Variants in COP1 observed in about 807,000 individuals in gnomAD.
The protein encoded by COP1 is COP1 E3 ubiquitin ligase.
In COP1, 24 loss-of-function variants were observed where a neutral mutation model predicts 101.3. The observed-to-expected ratio is 0.24, with a 90% confidence interval of 0.17 to 0.33. COP1 has a LOEUF of 0.33. Among genes scored for constraint, COP1 ranks in the 10% least tolerant of loss-of-function variants. COP1 has a pLI of 1.00. For synonymous variants in COP1, 347 were observed against 341.9 expected (o/e 1.01, Z -0.17); for missense variants, 663 against 906.2 (o/e 0.73, Z 3.45).
Position 176,135,045 on chromosome 1 carries a change from T to A in COP1, c.933A>T (p.Thr311=). 1 of 1,611,216 alleles carries A rather than the reference T, an allele frequency of 6.2e-7. No homozygotes were observed. Among genetic ancestry groups the A allele is most frequent in the Non-Finnish European group, 8.5e-7 (1 of 1,177,882 alleles). The change falls in exon 8 of 20, where the codon ACA becomes ACT. Residue 311 remains threonine, a synonymous_variant. Transcript: ENST00000367669. ...GLYSPVSEDS[T]VPQFEAPSPS... ...GAGAAGGAGCTTCAAATTGAGGCAC[T>A]GTGCTATCCTCACTGACAGGAGAGT...
rs369828775 is a variant in COP1, at chr1:176,125,554, C to T, written c.969-8873G>A. On this transcript the variant is annotated intron_variant, in intron 8 of 19. Transcript: ENST00000367669. Reference sequence around the variant, plus strand: ...TCACTGTAGGTGTGTGGATTTGTTTCGGGGTCCTCTATTCGGTTCCATTGG... The same window carrying T: ...TCACTGTAGGTGTGTGGATTTGTTTTGGGGTCCTCTATTCGGTTCCATTGG... 2.6e-5 allele frequency among the ~76,000 whole-genome samples: 4 copies of T among 152,206 alleles called. No homozygotes were observed. In the East Asian group the frequency reaches 5.8e-4, roughly 22 times the overall value.
chr1:176,196,316 G>A lies in COP1; in HGVS notation c.407+10256C>T, dbSNP rs574098391. Among the ~76,000 whole-genome samples, 3 of 152,004 alleles carry A rather than the reference G, an allele frequency of 2.0e-5. No individual in the cohort carries two copies. The South Asian group carries it at 6.2e-4, about 32-fold the overall frequency. ...TATATAGAAAATCAATAATATGAAA[G>A]TTGATCATTTGAAAAGACTAAAAAA... On this transcript the variant is annotated intron_variant, in intron 1 of 19. Transcript: ENST00000367669.
chr1:175,964,196 C>T (rs1651721325), intron 18 of COP1, among the ~76,000 whole-genome samples: 1 of 152,094 alleles, frequency 6.6e-6, no homozygotes, highest in Non-Finnish European at 1.5e-5. Context: ...GGAGGCAAAC[C>T]TGGCAACTTG....
At chr1:176,088,942 C>A (rs1292917586) in intron 9 of COP1, among the ~76,000 whole-genome samples, 1 of 145,802 alleles carries the variant, frequency 6.9e-6, no homozygotes, top group Admixed American at 7.2e-5. Context: ...CTGAAGTGAG[C>A]TGAGGTCGCA....
At chr1:176,176,113 ACTAAT>A (rs1696897858) in intron 2 of COP1, 106 bp from the exon 3 acceptor site, 1 of 604,776 alleles carries the variant, frequency 1.7e-6, no homozygotes, top group African/African-American at 1.9e-5. Context: ...TTTCAACATA[ACTAAT>A]CTAATAAATT....
chr1:175,965,821 A>T (rs1025741763), intron 18 of COP1, among the ~76,000 whole-genome samples: 7 of 151,488 alleles, frequency 4.6e-5, no homozygotes, highest in Non-Finnish European at 1.5e-5. Flanking sequence ...TGACCTCGTG[A>T]CCCACCCGCC....
intron 3 of COP1, among the ~76,000 whole-genome samples, chr1:176,167,561 A>C (rs1444093720): frequency 6.6e-6 from 1 of 152,198 alleles, no homozygotes; most frequent in East Asian, 1.9e-4. Context: ...CTTAGAATTG[A>C]TACCTAAACC....
At chr1:176,145,482 T>C (rs1187086197) in intron 6 of COP1, among the ~76,000 whole-genome samples, 2 of 152,186 alleles carry the variant, frequency 1.3e-5, no homozygotes, top group Admixed American at 1.3e-4. Context: ...ACATATCCTA[T>C]GACTCATCAA....
intron 11 of COP1, among the ~76,000 whole-genome samples, chr1:176,049,049 G>A (rs888678109): frequency 6.6e-6 from 1 of 151,532 alleles, no homozygotes; most frequent in African/African-American, 2.4e-5. Context: ...GCGGGCGCCT[G>A]TAGTCCCAGC....
intron 15 of COP1, among the ~76,000 whole-genome samples, chr1:176,020,475 T>A (rs750049495): frequency 5.9e-5 from 9 of 152,034 alleles, no homozygotes; most frequent in Non-Finnish European, 1.3e-4. Context: ...GGTCAGAAGT[T>A]CGAGTCCAGC....
chr1:175,979,855 A>T (rs921771939), intron 18 of COP1, among the ~76,000 whole-genome samples: 3 of 152,146 alleles, frequency 2.0e-5, no homozygotes, highest in Non-Finnish European at 4.4e-5. Flanking sequence ...CCAATTAATT[A>T]CCATTTAATT....
At chr1:176,059,683 A>G (rs1674506460) in intron 11 of COP1, among the ~76,000 whole-genome samples, 1 of 152,066 alleles carries the variant, frequency 6.6e-6, no homozygotes, top group Non-Finnish European at 1.5e-5. Flanking sequence ...GGGTTTCACC[A>G]TGTTAGTCAG....
intron 18 of COP1, among the ~76,000 whole-genome samples, chr1:175,983,297 G>C (rs987104092): frequency 2.0e-5 from 3 of 152,178 alleles, no homozygotes; most frequent in African/African-American, 7.2e-5. Flanking sequence ...AATGACTCAT[G>C]GGGGCAAGTC....
intron 9 of COP1, among the ~76,000 whole-genome samples, chr1:176,110,664 A>C (rs1292967800): frequency 6.6e-6 from 1 of 152,178 alleles, no homozygotes; most frequent in East Asian, 1.9e-4. Flanking sequence ...AAAAAAACAA[A>C]ACAACAAAAA....
rs200187869 is a variant in COP1 at position 176,151,353 on chromosome 1, A to AAAAGAAAGAAAGAAAG, written c.763-2295_763-2280dup. ...AAAGAAAGAAGGAAGGAAAGAAAGA[A>AAAAGAAAGAAAGAAAG]AAAGAAAGAAAGAAAGAAAGAAAGA... On this transcript the variant is annotated intron_variant, in intron 5 of 19. Transcript: ENST00000367669. Among the ~76,000 whole-genome samples the AAAAGAAAGAAAGAAAG allele has an allele frequency of 2.3e-3, 271 of 116,092 alleles. 1 individual carries two copies. Among genetic ancestry groups the AAAAGAAAGAAAGAAAG allele is most frequent in the East Asian group, 3.4e-3 (14 of 4,092 alleles). 76.2% of individuals were successfully genotyped at this position (116,092 alleles called of 152,430 possible). A position where few individuals can be genotyped will look rare whatever the true frequency, so the allele number is the denominator to read the frequency against.
chr1:176,121,074 A>G (rs1459139819), intron 8 of COP1, among the ~76,000 whole-genome samples: 2 of 152,032 alleles, frequency 1.3e-5, no homozygotes, highest in Non-Finnish European at 2.9e-5. Context: ...CGTAAAAGAG[A>G]GAAAAATAAA....
chr1:176,162,805 A>G, intron 5 of COP1, 64 bp downstream of exon 5: 1 of 1,408,340 alleles, frequency 7.1e-7, no homozygotes, highest in African/African-American at 1.4e-5. Flanking sequence ...TAAACTTTCT[A>G]CGTCTTTTTT....
At chr1:176,116,770 C>A in intron 8 of COP1, 89 bp from the exon 9 acceptor site, 2 of 850,994 alleles carry the variant, frequency 2.4e-6, no homozygotes, top group Admixed American at 2.5e-5. Context: ...CATATATAAG[C>A]CCAGTATTTC....
At chr1:175,955,933 A>C (rs942888458) in intron 18 of COP1, among the ~76,000 whole-genome samples, 2 of 152,186 alleles carry the variant, frequency 1.3e-5, no homozygotes, top group African/African-American at 2.4e-5. Flanking sequence ...TACATTATCT[A>C]TAGGCTCAAT....
Sources: gnomAD v4.1 joint callset for allele counts (sites outside exome capture counted in the v4.1 genomes callset) on GRCh38, gnomAD v4.1.1 for gene constraint, MANE v1.5 for transcripts, NCBI Gene and HGNC (gene_info 2026-07-23, HGNC 2026-07-21) for gene names.